GPR176: variants seen among roughly 807,000 people sequenced by gnomAD.
The protein encoded by GPR176 is G-protein coupled receptor 176.
In GPR176, 26 loss-of-function variants were observed where a neutral mutation model predicts 35.4. The ratio of observed to expected loss-of-function variants is 0.74; its 90% CI spans 0.54 to 1.02. GPR176 has a LOEUF of 1.02. Ranked by LOEUF, GPR176 falls within the 50% of genes least tolerant of loss-of-function variation. GPR176 has a pLI of 0.00. For missense variants in GPR176, 597 were observed against 665.3 expected (o/e 0.90, Z 1.13); for synonymous variants, 278 against 271.3 (o/e 1.02, Z -0.24).
intron 1 of GPR176, among the ~76,000 whole-genome samples, chr15:39,855,304 C>T (rs2031142851): frequency 1.3e-5 from 2 of 152,116 alleles, no homozygotes; most frequent in African/African-American, 4.8e-5. Flanking sequence ...AGCCACATTC[C>T]CCATTTTACT....
chr15:39,894,973 A>C (rs1319349894), intron 1 of GPR176, among the ~76,000 whole-genome samples: 2 of 152,202 alleles, frequency 1.3e-5, no homozygotes, highest in African/African-American at 4.8e-5. Context: ...CTCCGTCTGC[A>C]ATCCCCGCAC....
chr15:39,864,658 A>C (rs2031752479), intron 1 of GPR176, among the ~76,000 whole-genome samples: 1 of 152,180 alleles, frequency 6.6e-6, no homozygotes, highest in African/African-American at 2.4e-5. Context: ...CTAACACCTC[A>C]AAAGTACAGA....
chr15:39,869,341 A>T (rs759200725), intron 1 of GPR176, among the ~76,000 whole-genome samples: 2 of 152,216 alleles, frequency 1.3e-5, no homozygotes, highest in Non-Finnish European at 2.9e-5. Context: ...AGATTCTTGG[A>T]TCTGGAGTCC....
At chr15:39,828,726 GA>G (rs1236763034) in intron 1 of GPR176, among the ~76,000 whole-genome samples, 1 of 152,208 alleles carries the variant, frequency 6.6e-6, no homozygotes, top group Non-Finnish European at 1.5e-5. Flanking sequence ...GAATCAATAA[GA>G]GTTTCAGGAG....
At chr15:39,847,240 C>A (rs1317093277) in intron 1 of GPR176, among the ~76,000 whole-genome samples, 3 of 151,758 alleles carry the variant, frequency 2.0e-5, no homozygotes, top group African/African-American at 7.3e-5. Context: ...AAACAGAAAA[C>A]AAAAAATAAA....
intron 1 of GPR176, among the ~76,000 whole-genome samples, chr15:39,875,632 T>C (rs1309073400): frequency 1.3e-5 from 2 of 152,178 alleles, no homozygotes; most frequent in Non-Finnish European, 2.9e-5. Flanking sequence ...CTCAGTTCCA[T>C]GAGCTTGGTC....
chr15:39,880,254 CT>C (rs1472746249), intron 1 of GPR176, among the ~76,000 whole-genome samples: 2 of 152,190 alleles, frequency 1.3e-5, no homozygotes, highest in Non-Finnish European at 2.9e-5. Flanking sequence ...CCAGTGGACA[CT>C]GTCTGGTCTC....
In GPR176 at chr15:39,870,063, G is replaced by C. The variant is rs527632337; in HGVS notation, c.172+49792C>G. ...AGAGCCAGTTCCTTTGGCAGCTCTA[G>C]GGGAGAATCTGTTTCCTTGCTGTTC... On this transcript the variant is annotated intron_variant, in intron 1 of 2. Coordinates refer to ENST00000561100, the MANE Select transcript of GPR176 (RefSeq NM_007223.3). Among the ~76,000 whole-genome samples the C allele has an allele frequency of 3.9e-5, 6 of 152,280 alleles. No homozygotes were observed. In the East Asian group the frequency reaches 9.6e-4, roughly 24 times the overall value.
intron 2 of GPR176, 84 bp downstream of exon 2, chr15:39,806,922 T>A: frequency 8.0e-7 from 1 of 1,245,736 alleles, no homozygotes; most frequent in Non-Finnish European, 1.1e-6. Context: ...ATACGGAACA[T>A]TGACTACTCA....
intron 1 of GPR176, among the ~76,000 whole-genome samples, chr15:39,855,248 T>G (rs2031139242): frequency 6.6e-6 from 1 of 152,170 alleles, no homozygotes; most frequent in Non-Finnish European, 1.5e-5. Context: ...AATGCTATTT[T>G]ACTCCAAAAC....
At chr15:39,918,044 TA>T (rs11410825) in intron 1 of GPR176, among the ~76,000 whole-genome samples, 44 of 111,446 alleles carry the variant, frequency 3.9e-4, no homozygotes, top group Admixed American at 7.0e-4. Flanking sequence ...AAACTCTGTC[TA>T]AAAAAAAAAA....
At chr15:39,827,273 G>C (rs1900728424) in intron 1 of GPR176, among the ~76,000 whole-genome samples, 1 of 152,178 alleles carries the variant, frequency 6.6e-6, no homozygotes, top group Non-Finnish European at 1.5e-5. Flanking sequence ...ATGATCTAAG[G>C]GTGGAGTTTT....
chr15:39,859,258 G>A (rs551239698), intron 1 of GPR176, among the ~76,000 whole-genome samples: 16 of 151,960 alleles, frequency 1.1e-4, no homozygotes, highest in Non-Finnish European at 2.1e-4. Context: ...AAAGTAACAT[G>A]TATGTATATA....
chr15:39,882,681 G>A (rs1427264534), intron 1 of GPR176, among the ~76,000 whole-genome samples: 2 of 152,164 alleles, frequency 1.3e-5, no homozygotes, highest in Non-Finnish European at 2.9e-5. Context: ...ACAACAATAT[G>A]GTTTCTAATC....
chr15:39,820,873 A>G (rs990647159), intron 1 of GPR176, among the ~76,000 whole-genome samples: 5 of 152,158 alleles, frequency 3.3e-5, no homozygotes, highest in Non-Finnish European at 7.3e-5. Context: ...TTTCAGTTCC[A>G]TTTCTCTCCC....
chr15:39,902,786 T>C (rs2033315886), intron 1 of GPR176, among the ~76,000 whole-genome samples: 1 of 152,112 alleles, frequency 6.6e-6, no homozygotes, highest in African/African-American at 2.4e-5. Flanking sequence ...CAACAAAAAG[T>C]AGTTGTAATT....
At chr15:39,810,297 A>C (rs547360018) in intron 1 of GPR176, among the ~76,000 whole-genome samples, 1 of 152,338 alleles carries the variant, frequency 6.6e-6, no homozygotes, top group East Asian at 1.9e-4. Flanking sequence ...TCGTTCTGTA[A>C]TATACTTAAT....
intron 1 of GPR176, among the ~76,000 whole-genome samples, chr15:39,844,215 T>C (rs1234907048): frequency 6.6e-6 from 1 of 152,086 alleles, no homozygotes; most frequent in Non-Finnish European, 1.5e-5. Context: ...GATTCATGAA[T>C]ATTACATGGG....
At position 39,920,200 on chromosome 15, in the gene GPR176, G is replaced by A; in HGVS notation, c.-174C>T. ...CGCCAACCCCGGCGCCCGGGAGGCG[G>A]GGAGGGAGGGAGGCGCGGCTGCGCC... On this transcript the variant is annotated 5_prime_UTR_variant, in exon 1 of 3. Transcript: ENST00000561100. 2.4e-6 allele frequency: 1 copy of A among 413,136 alleles called. No homozygotes were observed. Among genetic ancestry groups the A allele is most frequent in the Non-Finnish European group, 4.2e-6 (1 of 237,178 alleles). 25.6% of individuals were successfully genotyped at this position (413,136 alleles called of 1,614,324 possible).
Sources: allele counts gnomAD v4.1 joint callset (sites outside exome capture counted in the v4.1 genomes callset), GRCh38; gene constraint gnomAD v4.1.1; transcripts MANE v1.5; gene names NCBI Gene and HGNC (gene_info 2026-07-23, HGNC 2026-07-21).